SLC13A3: variants seen among roughly 807,000 people sequenced by gnomAD.
The protein encoded by SLC13A3 is solute carrier family 13 member 3, also known as Na(+)/dicarboxylate cotransporter 3.
SLC13A3 carries 40 observed loss-of-function variants against 59.0 expected under a neutral mutation model. That is an observed-to-expected ratio of 0.68 (90% CI 0.53 to 0.88). The LOEUF is 0.88. SLC13A3 is among the 40% of genes least tolerant of loss of function. The pLI, the probability that SLC13A3 is intolerant of heterozygous loss-of-function variation, is 0.00. For synonymous variants in SLC13A3, 317 were observed against 330.3 expected (o/e 0.96, Z 0.44); for missense variants, 699 against 783.2 (o/e 0.89, Z 1.28).
chr20:46,562,916 G>A (rs1359331620), intron 12 of SLC13A3, among the ~76,000 whole-genome samples: 1 of 152,180 alleles, frequency 6.6e-6, no homozygotes, highest in African/African-American at 2.4e-5. Flanking sequence ...AGCCAGTGGA[G>A]AGGGAAAAGG....
At position 46,563,615 on chromosome 20, in the gene SLC13A3, G is replaced by GA. The variant is rs35374760; in HGVS notation, c.1495-65_1495-64insT. ...CAACGCAGAGCGACCACAGCAAGAGGGAGAGAGAGAGAGAGAGGCAGTTGG... is the reference window on the plus strand; with the variant it reads ...CAACGCAGAGCGACCACAGCAAGAGGAGAGAGAGAGAGAGAGAGGCAGTTGG... On this transcript the variant is annotated intron_variant, in intron 11 of 12. Transcript: ENST00000279027. The GA allele has an allele frequency of 3.3e-3, 4,719 of 1,419,910 alleles. 61 individuals are homozygous for GA. Among genetic ancestry groups the GA allele is most frequent in the African/African-American group, 8.7e-3 (596 of 68,334 alleles). 88.0% of individuals were successfully genotyped at this position (1,419,910 alleles called of 1,614,324 possible).
At position 46,559,917 on chromosome 20, in the gene SLC13A3, G is replaced by A. The variant is rs932518426; in HGVS notation, c.*105C>T. On this transcript the variant is annotated 3_prime_UTR_variant, in exon 13 of 13. Transcript: ENST00000279027. ...AGGTCACCCTTGCTTGCTGCATATT[G>A]GATTACAGAAAAGAATTATTTGATT... 2 of 1,202,904 alleles carry A rather than the reference G, an allele frequency of 1.7e-6. No homozygotes were observed. Among genetic ancestry groups the A allele is most frequent in the Non-Finnish European group, 2.4e-6 (2 of 842,692 alleles). 74.5% of individuals were successfully genotyped at this position (1,202,904 alleles called of 1,614,324 possible).
At chr20:46,683,400 T>C (rs993725311) in intron 1 of SLC13A3, among the ~76,000 whole-genome samples, 1 of 152,166 alleles carries the variant, frequency 6.6e-6, no homozygotes, top group African/African-American at 2.4e-5. Context: ...CCTTTTCTTT[T>C]ACCACGTGTA....
upstream of SLC13A3, among the ~76,000 whole-genome samples, chr20:46,653,651 T>G (rs2062966648): frequency 6.6e-6 from 1 of 152,256 alleles, no homozygotes; most frequent in Non-Finnish European, 1.5e-5. Context: ...ACCATCATTC[T>G]GCTTTCTGTC....
chr20:46,618,379 C>A (rs907127426), intron 1 of SLC13A3, among the ~76,000 whole-genome samples: 1 of 152,218 alleles, frequency 6.6e-6, no homozygotes, highest in Non-Finnish European at 1.5e-5. Context: ...AGGTGAAAGG[C>A]AGCTGTGTCA....
At chr20:46,576,209 C>A (rs1360845931) in intron 9 of SLC13A3, among the ~76,000 whole-genome samples, 1 of 152,156 alleles carries the variant, frequency 6.6e-6, no homozygotes, top group Non-Finnish European at 1.5e-5. Context: ...ATCATTGAGG[C>A]TTTGCAGGCC....
chr20:46,663,679 T>C (rs2063045341), intron 1 of SLC13A3, among the ~76,000 whole-genome samples: 1 of 152,122 alleles, frequency 6.6e-6, no homozygotes, highest in Non-Finnish European at 1.5e-5. Flanking sequence ...CCCTATGAAA[T>C]AGGTTCTATT....
chr20:46,571,956 A>G (rs2062032033), intron 10 of SLC13A3, among the ~76,000 whole-genome samples: 1 of 152,146 alleles, frequency 6.6e-6, no homozygotes, highest in Non-Finnish European at 1.5e-5. Context: ...GAAGAGAGGT[A>G]GGTGCCAATG....
intron 1 of SLC13A3, among the ~76,000 whole-genome samples, chr20:46,614,355 A>T (rs1465779513): frequency 1.3e-5 from 2 of 152,200 alleles, no homozygotes; most frequent in Non-Finnish European, 2.9e-5. Flanking sequence ...CCTGGCCATC[A>T]TTGGTTGAGG....
At chr20:46,569,113 A>G (rs2062007852) in intron 10 of SLC13A3, among the ~76,000 whole-genome samples, 1 of 152,210 alleles carries the variant, frequency 6.6e-6, no homozygotes, top group Non-Finnish European at 1.5e-5. Context: ...TGTCCTGAGT[A>G]GCTAAGGCTA....
At chr20:46,629,079 G>T (rs1366319989) in intron 1 of SLC13A3, among the ~76,000 whole-genome samples, 1 of 152,174 alleles carries the variant, frequency 6.6e-6, no homozygotes, top group Non-Finnish European at 1.5e-5. Context: ...CTATCTTAGG[G>T]ATGATATTAT....
At chr20:46,671,975 G>T (rs1408210714), upstream of SLC13A3, among the ~76,000 whole-genome samples, 1 of 152,194 alleles carries the variant, frequency 6.6e-6, no homozygotes, top group Non-Finnish European at 1.5e-5. Context: ...CATCCAATCT[G>T]ATACACCTGT....
At chr20:46,571,176 AAT>A (rs2062025903) in intron 10 of SLC13A3, among the ~76,000 whole-genome samples, 1 of 152,192 alleles carries the variant, frequency 6.6e-6, no homozygotes, top group South Asian at 2.1e-4. Context: ...CCCACGATTA[AAT>A]TACTTCCCAC....
intron 1 of SLC13A3, among the ~76,000 whole-genome samples, chr20:46,627,837 C>T (rs1179837400): frequency 6.6e-6 from 1 of 152,118 alleles, no homozygotes; most frequent in Non-Finnish European, 1.5e-5. Flanking sequence ...TACTGAAAAC[C>T]CCTGCTCCAT....
chr20:46,634,294 G>C lies in SLC13A3; in HGVS notation c.111+17017C>G, dbSNP rs542386272. The stretch of plus-strand genomic sequence containing the variant: ...CTGATTTTCGTGTGCCCACTTTCCA[G>C]AGGGAGAGACTGAGGCATGGAGGAT... On this transcript the variant is annotated intron_variant, in intron 1 of 12. Transcript: ENST00000279027. Among the ~76,000 whole-genome samples the C allele has an allele frequency of 4.6e-5, 7 of 152,294 alleles. No individual in the cohort carries two copies. The South Asian group carries it at 1.5e-3, about 32-fold the overall frequency.
intron 2 of SLC13A3, among the ~76,000 whole-genome samples, chr20:46,612,610 A>C (rs2062510787): frequency 1.0e-5 from 1 of 99,092 alleles, no homozygotes; most frequent in Admixed American, 1.1e-4. Flanking sequence ...CTGTGTTCAA[A>C]AAAAAAAAAA....
chr20:46,618,456 C>T (rs1355169948), intron 1 of SLC13A3, among the ~76,000 whole-genome samples: 1 of 152,194 alleles, frequency 6.6e-6, no homozygotes, highest in Non-Finnish European at 1.5e-5. Flanking sequence ...GTTTCTGTCC[C>T]CCCAGATTCA....
At chr20:46,663,802 C>T (rs1280459920) in intron 1 of SLC13A3, among the ~76,000 whole-genome samples, 1 of 152,206 alleles carries the variant, frequency 6.6e-6, no homozygotes, top group Non-Finnish European at 1.5e-5. Context: ...ACTGCAGAGT[C>T]CACATGCGTA....
intron 1 of SLC13A3, among the ~76,000 whole-genome samples, chr20:46,665,933 C>G (rs1266696506): frequency 6.6e-6 from 1 of 152,162 alleles, no homozygotes; most frequent in Admixed American, 6.5e-5. Context: ...GATAGCCATC[C>G]TACTGCGTGT....
Sources: gnomAD v4.1 joint callset for allele counts (sites outside exome capture counted in the v4.1 genomes callset) on GRCh38, gnomAD v4.1.1 for gene constraint, MANE v1.5 for transcripts, NCBI Gene and HGNC (gene_info 2026-07-23, HGNC 2026-07-21) for gene names.